Variants in XPO7 observed in about 807,000 individuals in gnomAD.
XPO7 encodes the protein exportin 7, also known as exportin-7.
XPO7 carries 21 observed loss-of-function variants against 144.3 expected under a neutral mutation model. That is an observed-to-expected ratio of 0.15 (90% CI 0.10 to 0.21). The LOEUF is 0.21. Ranked by LOEUF, XPO7 falls within the 10% of genes least tolerant of loss-of-function variation. The pLI is 1.00. For synonymous variants in XPO7, 580 were observed against 499.6 expected (o/e 1.16, Z -2.15); for missense variants, 808 against 1,325.8 (o/e 0.61, Z 6.06).
chr8:21,951,442 T>C (rs1440853153), intron 1 of XPO7, among the ~76,000 whole-genome samples: 1 of 152,152 alleles, frequency 6.6e-6, no homozygotes, highest in African/African-American at 2.4e-5. Flanking sequence ...TAATCAACCA[T>C]TTAGAATTGT....
chr8:21,997,041 G>C (rs999804425), intron 21 of XPO7, among the ~76,000 whole-genome samples: 3 of 152,234 alleles, frequency 2.0e-5, no homozygotes, highest in South Asian at 2.1e-4. Flanking sequence ...CTCCCGACTT[G>C]AGGTGATCCG....
At chr8:21,985,783 A>G in intron 13 of XPO7, 92 bp downstream of exon 13, 1 of 1,076,300 alleles carries the variant, frequency 9.3e-7, no homozygotes, top group Non-Finnish European at 1.4e-6. Context: ...ACGTAATCTG[A>G]ACATGCTAAC....
intron 1 of XPO7, among the ~76,000 whole-genome samples, chr8:21,955,011 A>C (rs773383989): frequency 6.6e-6 from 1 of 152,242 alleles, no homozygotes; most frequent in Non-Finnish European, 1.5e-5. Context: ...CTGCTTATAA[A>C]AATGCAGTTT....
intron 1 of XPO7, among the ~76,000 whole-genome samples, chr8:21,922,010 A>G (rs1810304593): frequency 2.6e-5 from 4 of 152,196 alleles, no homozygotes; most frequent in African/African-American, 9.7e-5. Flanking sequence ...TTCATTAAAG[A>G]CAGTCTGCAA....
At chr8:21,920,744 T>C (rs911261644) in intron 1 of XPO7, among the ~76,000 whole-genome samples, 2 of 152,212 alleles carry the variant, frequency 1.3e-5, no homozygotes, top group African/African-American at 2.4e-5. Flanking sequence ...ATGACAGTTA[T>C]TGATGCACAT....
chr8:22,002,383 C>G, intron 25 of XPO7, 111 bp downstream of exon 25: 1 of 1,315,000 alleles, frequency 7.6e-7, no homozygotes, highest in South Asian at 1.4e-5. Context: ...CAGGTTCCTG[C>G]TGCTGAGATG....
rs1169808113 is a variant in XPO7, at chr8:22,006,279, AT to A, written c.*1192del. ...ATAAATGTTTTGAATATTAAAAAAA[AT>A]AATAACCTACAGAGGAAAATTAATG... On this transcript the variant is annotated 3_prime_UTR_variant, in exon 28 of 28. Transcript: ENST00000252512. 2.6e-5 allele frequency: 4 copies of A among 152,236 alleles called. No individual in the cohort carries two copies. Among genetic ancestry groups the A allele is most frequent in the Admixed American group, 6.5e-5 (1 of 15,282 alleles). 9.4% of individuals were successfully genotyped at this position (152,236 alleles called of 1,614,324 possible).
chr8:21,989,866 T>TTTTTTA (rs1812707632), intron 16 of XPO7, among the ~76,000 whole-genome samples: 1 of 104,314 alleles, frequency 9.6e-6, no homozygotes, highest in Non-Finnish European at 1.8e-5. Flanking sequence ...TTTTTTTTTT[T>TTTTTTA]TGAGATGGAG....
chr8:21,928,223 A>G (rs1032428854), intron 1 of XPO7, among the ~76,000 whole-genome samples: 3 of 152,240 alleles, frequency 2.0e-5, no homozygotes, highest in Non-Finnish European at 4.4e-5. Context: ...CACTCAGCAT[A>G]GTAACTCTGA....
In XPO7 at chr8:21,992,000, TAATCA is replaced by T. The variant is rs1812787263; in HGVS notation, c.2148+27_2148+31del. On this transcript the variant is annotated intron_variant, in intron 19 of 27. Transcript: ENST00000252512. ...GTGAGTGAGTCTTTCACCCAGTAAT[TAATCA>T]GCTTCTGGTTTAGGGCAGTCTCTGA... is the stretch of plus-strand genomic sequence containing the variant. The T allele has an allele frequency of 5.7e-6, 9 of 1,583,916 alleles. No individual in the cohort carries two copies. In the Admixed American group the frequency reaches 8.6e-5, roughly 15 times the overall value.
chr8:21,979,711 C>T (rs182537287), intron 8 of XPO7, among the ~76,000 whole-genome samples: 2 of 152,112 alleles, frequency 1.3e-5, no homozygotes, highest in South Asian at 2.1e-4. Flanking sequence ...CCGGCCGATA[C>T]GCTTATTTCT....
chr8:21,988,772 G>T (rs542784547), intron 15 of XPO7: 4 of 521,792 alleles, frequency 7.7e-6, no homozygotes, highest in East Asian at 3.4e-5. Flanking sequence ...GTATGGGCCA[G>T]TGTAGCTTTG....
At chr8:21,921,690 G>C (rs1810293592) in intron 1 of XPO7, 1 of 152,142 alleles carries the variant, frequency 6.6e-6, no homozygotes, top group Non-Finnish European at 1.5e-5. Context: ...ACGGAAGTAA[G>C]AATTTATTAA....
Position 21,966,985 on chromosome 8 carries a change from A to G in XPO7, c.147A>G (p.Leu49=), listed in dbSNP as rs762036131. The G allele has an allele frequency of 1.9e-6, 3 of 1,613,314 alleles. No homozygotes were observed. The highest frequency in any genetic ancestry group is 2.7e-5 in the African/African-American group (2 of 74,904). ...CTGATTGCCTGAGCAAGTGCCAGCT[A>G]CTCCTCGAAAGAGGAAGTGTGCGTA... The part of the protein sequence containing the change: ...NSPDCLSKCQ[L]LLERGSSSYS... Residue 49 remains leucine (L), a synonymous_variant, in exon 2 of 28, where the codon CTA becomes CTG. Transcript: ENST00000252512.
chr8:21,978,527 G>A (rs981083133), intron 8 of XPO7, among the ~76,000 whole-genome samples: 1 of 152,170 alleles, frequency 6.6e-6, no homozygotes, highest in Non-Finnish European at 1.5e-5. Flanking sequence ...CTTTGTGTTC[G>A]CTGAAACATG....
chr8:21,928,669 C>G (rs1350198341), intron 1 of XPO7, among the ~76,000 whole-genome samples: 2 of 152,190 alleles, frequency 1.3e-5, no homozygotes, highest in Non-Finnish European at 2.9e-5. Context: ...TTGTATATCT[C>G]AGGCTTGCAA....
In XPO7 at chr8:21,924,368, C is replaced by T. The variant is rs538561336; in HGVS notation, c.18+4580C>T. 1.1e-3 allele frequency among the ~76,000 whole-genome samples: 175 copies of T among 152,212 alleles called. 1 individual carries two copies. The highest frequency in any genetic ancestry group is 2.0e-3 in the Non-Finnish European group (136 of 68,020). ...TCACAAAGTGAATACTCCTTACTAA[C>T]CAGCACCCAAATCAAGTCAGTATTA... On this transcript the variant is annotated intron_variant, in intron 1 of 27. Transcript: ENST00000252512.
chr8:21,950,575 T>C (rs1811337347), intron 1 of XPO7, among the ~76,000 whole-genome samples: 1 of 152,198 alleles, frequency 6.6e-6, no homozygotes, highest in Non-Finnish European at 1.5e-5. Context: ...AAGTTGTCTT[T>C]ATTAGCCTAC....
At chr8:21,952,849 G>C (rs1466859987) in intron 1 of XPO7, among the ~76,000 whole-genome samples, 1 of 152,180 alleles carries the variant, frequency 6.6e-6, no homozygotes, top group Non-Finnish European at 1.5e-5. Flanking sequence ...TTAAATATTG[G>C]TTAGTAAACT....
Sources: allele counts gnomAD v4.1 joint callset (sites outside exome capture counted in the v4.1 genomes callset), GRCh38; gene constraint gnomAD v4.1.1; transcripts MANE v1.5; gene names NCBI Gene and HGNC (gene_info 2026-07-23, HGNC 2026-07-21).